The following RCOR2 variants were observed in gnomAD, a reference collection of about 807,000 sequenced individuals.
RCOR2 encodes REST corepressor 2.
RCOR2 carries 19 observed loss-of-function variants against 58.9 expected under a neutral mutation model. The observed-to-expected ratio is 0.32, with a 90% CI of 0.23 to 0.47. The LOEUF (loss-of-function observed/expected upper bound fraction) is 0.47. Ranked by LOEUF, RCOR2 falls within the 20% of genes least tolerant of loss-of-function variation. The pLI, the probability that RCOR2 is intolerant of heterozygous loss-of-function variation, is 1.00. For missense variants in RCOR2, 590 were observed against 707.9 expected (o/e 0.83, Z 1.89); for synonymous variants, 286 against 278.7 (o/e 1.03, Z -0.26).
Position 63,911,928 on chromosome 11 carries a change from A to G in RCOR2, c.1509T>C (p.Pro503=), listed in dbSNP as rs1590732111. The change falls in exon 12 of 12, where the codon CCT becomes CCC. Residue 503 remains proline, a synonymous_variant. Coordinates refer to ENST00000301459, the MANE Select transcript of RCOR2 (RefSeq NM_173587.4). The part of the protein sequence containing the change: ...ALAAPRHSAR[P]GPQPPPTLIG... The stretch of plus-strand genomic sequence containing the variant: ...TCAGGGTGGGTGGGGGCTGAGGGCC[A>G]GGGCGGGCGCTGTGGCGGGGGGCAG... 1 of 445,924 alleles carries G rather than the reference A, an allele frequency of 2.2e-6. No individual in the cohort carries two copies. Among genetic ancestry groups the G allele is most frequent in the Non-Finnish European group, 3.3e-6 (1 of 300,030 alleles). The allele number at this position is 445,924 out of a possible 1,614,324, so 27.6% of individuals were successfully genotyped here.
rs1453361929 is a variant in RCOR2 at position 63,913,160 on chromosome 11, TTTTATA to T, written c.892-219_892-214del. ...CTGCAGACCAGTTTATATTTTTATT[TTTTATA>T]TATATATATATATATATATTTTTTT... On this transcript the variant is annotated intron_variant, in intron 8 of 11. Coordinates refer to ENST00000301459, the MANE Select transcript of RCOR2 (RefSeq NM_173587.4). 2.5e-4 allele frequency among the ~76,000 whole-genome samples: 10 copies of T among 40,186 alleles called. 1 individual carries two copies. The highest frequency in any genetic ancestry group is 1.2e-3 in the East Asian group (2 of 1,732). 26.4% of individuals were successfully genotyped at this position (40,186 alleles called of 152,430 possible).
Position 63,912,692 on chromosome 11 carries a change from C to T in RCOR2, c.1011G>A (p.Gln337=). 1 of 1,614,134 alleles carries T rather than the reference C, an allele frequency of 6.2e-7. No homozygotes were observed. The highest frequency in any genetic ancestry group is 1.7e-5 in the Admixed American group (1 of 60,028). Residue 337 remains glutamine (Q), a synonymous_variant, in exon 10 of 12, where the codon CAG becomes CAA. Transcript: ENST00000301459. ...TTAACCCACCTTGAACAGCCAAAAG[C>T]TGCTCATCTGTGGTCCAGCGGGAGT... ...KFNSRWTTDE[Q]LLAVQAIRRY... is the part of the protein sequence containing the mutation.
the RCOR2 span, among the ~76,000 whole-genome samples, chr11:63,924,705 C>G: frequency 8.5e-5 from 13 of 152,108 alleles, no homozygotes; most frequent in Non-Finnish European, 2.9e-5. Flanking sequence ...TATTCGACAG[C>G]CAGGGTGATC....
chr11:63,916,278 A>C (rs1941855593), intron 1 of RCOR2, 52 bp downstream of exon 1: 1 of 1,471,646 alleles, frequency 6.8e-7, no homozygotes, highest in Non-Finnish European at 9.2e-7. Flanking sequence ...CTCCCGCCCC[A>C]CTCCGCTCCC....
At position 63,914,511 on chromosome 11, in the gene RCOR2, T is replaced by C; in HGVS notation, c.511A>G (p.Lys171Glu). 1 of 1,613,726 alleles carries C rather than the reference T, an allele frequency of 6.2e-7. No homozygotes were observed. The highest frequency in any genetic ancestry group is 1.1e-5 in the South Asian group (1 of 91,090). ...LPDKLIPSLV[K>E]YYYSWKKTRS... ...GTCTTCTTCCAAGAGTAGTAGTATT[T>C]CACCAGGCTGGGAATCAACTTGTCA... The change falls in exon 6 of 12, where the codon AAA becomes GAA. Residue 171 changes from lysine (K) to glutamate (E), a missense_variant. This residue lies in a region of RCOR2 where 390 missense variants were observed against 478.7 expected (regional missense o/e 0.81). Transcript: ENST00000301459.
At chr11:63,924,527 C>T in the RCOR2 span, among the ~76,000 whole-genome samples, 1 of 152,120 alleles carries the variant, frequency 6.6e-6, no homozygotes, top group African/African-American at 2.4e-5. Flanking sequence ...AAGTAGAAAC[C>T]TGGGAGTGGC....
upstream of RCOR2, among the ~76,000 whole-genome samples, chr11:63,920,116 G>C (rs1399059543): frequency 4.6e-5 from 7 of 152,352 alleles, no homozygotes; most frequent in East Asian, 1.3e-3. Flanking sequence ...GTCTCTGGCT[G>C]GGCTGTGTCC....
the RCOR2 span, among the ~76,000 whole-genome samples, chr11:63,924,998 C>G: frequency 3.3e-3 from 502 of 151,954 alleles, 8 homozygotes; most frequent in African/African-American, 0.011. Context: ...TTACAGGTGC[C>G]TGCCACCACG....
chr11:63,912,621 G>A, intron 10 of RCOR2, 55 bp downstream of exon 10: 1 of 1,588,100 alleles, frequency 6.3e-7, no homozygotes, highest in South Asian at 1.1e-5. Flanking sequence ...CCACTCCTTG[G>A]AGGGTGGGGA....
At position 63,916,605 on chromosome 11, in the gene RCOR2, C is replaced by T; in HGVS notation, c.-149G>A. ...GGAGGTCAGCGTGGCTAGGGTCCGG[C>T]GGGGTGGGAGCCCACCTGGTAGCCC... On this transcript the variant is annotated 5_prime_UTR_variant, in exon 1 of 12. Transcript: ENST00000301459. 2 of 1,358,058 alleles carry T rather than the reference C, an allele frequency of 1.5e-6. No individual in the cohort carries two copies. The highest frequency in any genetic ancestry group is 1.9e-6 in the Non-Finnish European group (2 of 1,032,176). The allele number at this position is 1,358,058 out of a possible 1,614,324, so 84.1% of individuals were successfully genotyped here. A position where few individuals can be genotyped will look rare whatever the true frequency, so the allele number is the denominator to read the frequency against.
upstream of RCOR2, among the ~76,000 whole-genome samples, chr11:63,917,921 G>C (rs531816673): frequency 6.6e-6 from 1 of 152,192 alleles, no homozygotes; most frequent in East Asian, 1.9e-4. Flanking sequence ...GACAGACAGG[G>C]AAGCGGGTAG....
Position 63,913,608 on chromosome 11 carries a change from G to A in RCOR2, c.891+346C>T, listed in dbSNP as rs112644818. On this transcript the variant is annotated intron_variant, in intron 8 of 11. Coordinates refer to ENST00000301459, the MANE Select transcript of RCOR2 (RefSeq NM_173587.4). ...AGAGACTCTCCTGTCTCAGCCTCCC[G>A]AGTAGCTGGGATTACAGGTGTGTGC... Among the ~76,000 whole-genome samples the A allele has an allele frequency of 3.0e-3, 450 of 151,744 alleles. 3 individuals are homozygous for A. Among genetic ancestry groups the A allele is most frequent in the African/African-American group, 0.011 (441 of 41,408 alleles).
At chr11:63,924,694 T>G in the RCOR2 span, among the ~76,000 whole-genome samples, 1 of 152,104 alleles carries the variant, frequency 6.6e-6, no homozygotes. Context: ...AATCTGTTCT[T>G]TATTCGACAG....
upstream of RCOR2, among the ~76,000 whole-genome samples, chr11:63,921,531 T>TTC (rs1380756399): frequency 1.3e-5 from 2 of 152,086 alleles, no homozygotes; most frequent in African/African-American, 4.8e-5. Flanking sequence ...CAGACTTAGG[T>TTC]TGAGTCCTGG....
chr11:63,916,449 G>T lies in RCOR2; in HGVS notation c.8C>A (p.Ser3Ter). 6.2e-7 allele frequency: 1 copy of T among 1,608,168 alleles called. No individual in the cohort carries two copies. Among genetic ancestry groups the T allele is most frequent in the Non-Finnish European group, 8.5e-7 (1 of 1,178,268 alleles). Residue 3 changes from serine (S) to a stop codon, truncating the protein, a stop_gained, in exon 1 of 12, where the codon TCA (serine) becomes TAA (stop). Transcript: ENST00000301459. LOFTEE classifies it high-confidence loss of function. The stretch of plus-strand genomic sequence containing the variant: ...GCCCGCGCTCGGCTTCTCCATCACT[G>T]AGGGCATTACCCCGCCCAGCTGCCC... MP[S>*]VMEKPSAGSG...
rs1941781617 is a variant in RCOR2 at position 63,912,415 on chromosome 11, G to A, written c.1147C>T (p.Leu383=). The change falls in exon 11 of 12, where the codon CTG becomes TTG. Residue 383 remains leucine (L), a synonymous_variant. Transcript: ENST00000301459. ...TCCTGCTCAGCCTCCCATTCCTGCA[G>A]CACCTCCTCCAGATTGAAGCGGCGC... is the stretch of plus-strand genomic sequence containing the variant. ...YRRRFNLEEV[L]QEWEAEQDGA... 1 of 1,613,748 alleles carries A rather than the reference G, an allele frequency of 6.2e-7. No individual in the cohort carries two copies. Among genetic ancestry groups the A allele is most frequent in the Non-Finnish European group, 8.5e-7 (1 of 1,179,962 alleles).
chr11:63,918,407 T>C (rs1266866746), upstream of RCOR2, among the ~76,000 whole-genome samples: 1 of 152,078 alleles, frequency 6.6e-6, no homozygotes, highest in East Asian at 1.9e-4. Context: ...AAAGCCAGGC[T>C]CGACCCCACC....
chr11:63,914,032 C>A lies in RCOR2; in HGVS notation c.813G>T (p.Thr271=). 1 of 1,613,802 alleles carries A rather than the reference C, an allele frequency of 6.2e-7. No homozygotes were observed. Among genetic ancestry groups the A allele is most frequent in the African/African-American group, 1.3e-5 (1 of 75,040 alleles). ...CAAGGTCCGGGCTTCCTGACACTGC[C>A]GTGAGGCCTTCAGGGCTCAGGTACA... ...KGMYLSPEGL[T]AVSGSPDLAN... is the part of the protein sequence containing the mutation. Residue 271 remains threonine (T), a synonymous_variant, in exon 8 of 12, where the codon ACG becomes ACT. Coordinates refer to ENST00000301459, the MANE Select transcript of RCOR2 (RefSeq NM_173587.4).
rs370485478 is a variant in RCOR2 at position 63,914,156 on chromosome 11, C to A, written c.689G>T (p.Arg230Leu). The part of the protein sequence containing the change: ...ADPKREPLPS[R>L]PLNARPGPGK... ...AGGGCCTGGGCGTGCATTCAGGGGC[C>A]GAGAGGGTAGAGGCTGCCAGTGAAA... The change falls in exon 8 of 12, where the codon CGG becomes CTG. Residue 230 changes from arginine (R) to leucine (L), a missense_variant. Physicochemically the swap from Arg to Leu is moderately radical, Grantham distance 102 (BLOSUM62 -2). Around this residue, in one of 3 missense-constraint regions of RCOR2, gnomAD observed 390 missense variants for 478.7 expected, o/e 0.81. Coordinates refer to ENST00000301459, the MANE Select transcript of RCOR2 (RefSeq NM_173587.4). The A allele has an allele frequency of 6.2e-7, 1 of 1,613,570 alleles. No homozygotes were observed. The highest frequency in any genetic ancestry group is 8.5e-7 in the Non-Finnish European group (1 of 1,179,956).
Sources: allele counts gnomAD v4.1 joint callset (sites outside exome capture counted in the v4.1 genomes callset), GRCh38; gene constraint gnomAD v4.1.1; regional missense constraint gnomAD v4.1.1; transcripts MANE v1.5; gene names NCBI Gene and HGNC (gene_info 2026-07-23, HGNC 2026-07-21).